Variants in SIRPB1 observed in about 807,000 individuals in gnomAD.
The protein encoded by SIRPB1 is signal-regulatory protein beta-1.
In SIRPB1, 28 loss-of-function variants were observed where a neutral mutation model predicts 34.1. The observed-to-expected ratio is 0.82, with a 90% CI of 0.61 to 1.12. The LOEUF (loss-of-function observed/expected upper bound fraction) is 1.12, where lower values mean the gene tolerates loss of function less well. Among genes scored for constraint, SIRPB1 ranks in the 50% most tolerant of loss-of-function variants. SIRPB1 has a pLI of 0.00. For synonymous variants in SIRPB1, 211 were observed against 203.8 expected (o/e 1.04, Z -0.30); for missense variants, 499 against 507.0 (o/e 0.98, Z 0.15).
chr20:1,588,762 G>A lies in SIRPB1; in HGVS notation c.77-10068C>T. The stretch of plus-strand genomic sequence containing the variant: ...GAAGTGGCTATGATGGATTGCGACA[G>A]CAACTTGCTTCTAGATTGTAACTTA... On this transcript the variant is annotated intron_variant, in intron 1 of 5. Coordinates refer to ENST00000381605, the MANE Select transcript of SIRPB1 (RefSeq NM_006065.5). 21 of 354,038 alleles carry A rather than the reference G, an allele frequency of 5.9e-5. 7 individuals are homozygous for A. Among genetic ancestry groups the A allele is most frequent in the Non-Finnish European group, 7.9e-5 (21 of 264,664 alleles). The allele number at this position is 354,038 out of a possible 1,614,324, so 21.9% of individuals were successfully genotyped here.
chr20:1,594,541 C>T lies in SIRPB1; in HGVS notation c.77-15847G>A, dbSNP rs540189968. On this transcript the variant is annotated intron_variant, in intron 1 of 5. Coordinates refer to ENST00000381605, the MANE Select transcript of SIRPB1 (RefSeq NM_006065.5). ...TACCATATTTCGCCCCCACTCACGACATTAGATGCAGATGACGAGGGAAGA... is the reference window on the plus strand; with the variant it reads ...TACCATATTTCGCCCCCACTCACGATATTAGATGCAGATGACGAGGGAAGA... Among the ~76,000 whole-genome samples the T allele has an allele frequency of 4.1e-5, 2 of 48,454 alleles. 1 individual carries two copies. Among genetic ancestry groups the T allele is most frequent in the Admixed American group, 2.8e-4 (2 of 7,258 alleles). The allele number at this position is 48,454 out of a possible 152,430, so 31.8% of individuals were successfully genotyped here. A position where few individuals can be genotyped will look rare whatever the true frequency, so the allele number is the denominator to read the frequency against.
At chr20:1,614,577 T>C (rs2091603277) in intron 1 of SIRPB1, among the ~76,000 whole-genome samples, 1 of 151,964 alleles carries the variant, frequency 6.6e-6, no homozygotes, top group Non-Finnish European at 1.5e-5. Flanking sequence ...ACCCATCTGC[T>C]TGATTGAGCC....
intron 1 of SIRPB1, chr20:1,591,728 A>G (rs1883935): frequency 0.94 from 48,134 of 51,334 alleles, 23,852 homozygotes; most frequent in East Asian, 1. Context: ...GTCCTGGGAG[A>G]CATCCTCTTA....
chr20:1,579,977 A>G (rs1162867711), intron 1 of SIRPB1, among the ~76,000 whole-genome samples: 1 of 148,542 alleles, frequency 6.7e-6, no homozygotes, highest in Non-Finnish European at 1.5e-5. Flanking sequence ...TTTTTGCTTA[A>G]GAAGCACATT....
Position 1,566,205 on chromosome 20 carries a change from G to T in SIRPB1, c.1147C>A (p.Leu383Met), listed in dbSNP as rs1487002110. The T allele has an allele frequency of 1.2e-6, 2 of 1,612,546 alleles. No homozygotes were observed. Among genetic ancestry groups the T allele is most frequent in the Non-Finnish European group, 1.7e-6 (2 of 1,179,402 alleles). ...TAGATGGCAGAGACACCAACCACCA[G>T]TAGCAGCTTGGGGCCCAGGAGGAGA... The part of the protein sequence containing the change: ...VALLLGPKLL[L>M]VVGVSAIYIC... The change falls in exon 5 of 6, where the codon CTG (leucine) becomes ATG (methionine). Residue 383 changes from leucine to methionine, a missense_variant. Coordinates refer to ENST00000381605, the MANE Select transcript of SIRPB1 (RefSeq NM_006065.5).
At chr20:1,577,788 C>T (rs551905856) in intron 2 of SIRPB1, among the ~76,000 whole-genome samples, 3 of 146,784 alleles carry the variant, frequency 2.0e-5, no homozygotes, top group Admixed American at 6.7e-5. Context: ...AAAACAACCA[C>T]GATTTACCCT....
intron 1 of SIRPB1, chr20:1,588,640 A>G: frequency 1.7e-6 from 1 of 585,110 alleles, no homozygotes; most frequent in Non-Finnish European, 2.3e-6. Context: ...CATCCTGGAG[A>G]CCTCAGGAGC....
In SIRPB1 at chr20:1,562,858, G is replaced by T. The variant is rs1232971302; in HGVS notation, c.*2642C>A. Among the ~76,000 whole-genome samples the T allele has an allele frequency of 6.6e-6, 1 of 152,184 alleles. No homozygotes were observed. The highest frequency in any genetic ancestry group is 1.5e-5 in the Non-Finnish European group (1 of 68,042). On this transcript the variant is annotated 3_prime_UTR_variant, in exon 6 of 6. Coordinates refer to ENST00000381605, the MANE Select transcript of SIRPB1 (RefSeq NM_006065.5). ...GAAAGAGGAATTTTGCAACCAAGAT[G>T]AAAGTGCAGTGAAGAAATGAGAAGT...
chr20:1,572,887 G>C (rs921730206), intron 2 of SIRPB1, among the ~76,000 whole-genome samples: 1 of 151,240 alleles, frequency 6.6e-6, no homozygotes, highest in Non-Finnish European at 1.5e-5. Context: ...GCCAGGGTCC[G>C]TGGGATTTTG....
Position 1,594,299 on chromosome 20 carries a change from CA to C in SIRPB1, c.77-15606del, listed in dbSNP as rs1460923713. 4.1e-5 allele frequency among the ~76,000 whole-genome samples: 2 copies of C among 48,892 alleles called. 1 individual carries two copies. The highest frequency in any genetic ancestry group is 7.9e-5 in the Non-Finnish European group (2 of 25,384). 32.1% of individuals were successfully genotyped at this position (48,892 alleles called of 152,430 possible). On this transcript the variant is annotated intron_variant, in intron 1 of 5. Transcript: ENST00000381605. Reference sequence around the variant, plus strand: ...TGCTTGGAGCAGCAAGTTGCCTTCCCAAGGAAGGAACTGTCAAGGAGTTCTC... The same window carrying C: ...TGCTTGGAGCAGCAAGTTGCCTTCCCAGGAAGGAACTGTCAAGGAGTTCTC...
At chr20:1,615,842 A>G (rs2091621329) in intron 1 of SIRPB1, among the ~76,000 whole-genome samples, 1 of 152,222 alleles carries the variant, frequency 6.6e-6, no homozygotes, top group Admixed American at 6.5e-5. Flanking sequence ...TTATATACAC[A>G]TACCTTATTT....
rs1181388484 is a variant in SIRPB1 at position 1,570,852 on chromosome 20, A to G, written c.1037T>C (p.Leu346Pro). 8 of 1,614,092 alleles carry G rather than the reference A, an allele frequency of 5.0e-6. No homozygotes were observed. In the African/African-American group the frequency reaches 8.0e-5, roughly 16 times the overall value. ...CTCCTTCTGGTGCGCTGAGATCTCC[A>G]GGGCATAGCTTTTGCTGACTGCTTG... is the stretch of plus-strand genomic sequence containing the variant. ...GQQAVSKSYA[L>P]EISAHQKEHG... The change falls in exon 4 of 6, where the codon CTG (leucine) becomes CCG (proline). Residue 346 changes from leucine to proline, a missense_variant. Physicochemically the swap from Leu to Pro is moderately conservative, Grantham distance 98. Coordinates refer to ENST00000381605, the MANE Select transcript of SIRPB1 (RefSeq NM_006065.5).
Position 1,563,785 on chromosome 20 carries a change from A to G in SIRPB1, c.*1715T>C, listed in dbSNP as rs1303758547. ...ACTTGCCACACACTTTCAAAAAACC[A>G]GATCTCATGAGAACTCACTGAGATC... On this transcript the variant is annotated 3_prime_UTR_variant, in exon 6 of 6. Transcript: ENST00000381605. 1.3e-5 allele frequency: 2 copies of G among 152,166 alleles called. No homozygotes were observed. Among genetic ancestry groups the G allele is most frequent in the East Asian group, 1.9e-4 (1 of 5,184 alleles). The allele number at this position is 152,166 out of a possible 1,614,324, so 9.4% of individuals were successfully genotyped here.
Position 1,603,551 on chromosome 20 carries a change from C to T in SIRPB1, c.76+16318G>A, listed in dbSNP as rs1301449812. ...TGTAACAACTGTCAGGGGTAAAAAG[C>T]AAGATGCAGAACGTGAGGAACACAT... On this transcript the variant is annotated intron_variant, in intron 1 of 5. Transcript: ENST00000381605. Among the ~76,000 whole-genome samples, 2 of 48,866 alleles carry T rather than the reference C, an allele frequency of 4.1e-5. 1 individual carries two copies. The highest frequency in any genetic ancestry group is 7.9e-5 in the Non-Finnish European group (2 of 25,390). The allele number at this position is 48,866 out of a possible 152,430, so 32.1% of individuals were successfully genotyped here. A position where few individuals can be genotyped will look rare whatever the true frequency, so the allele number is the denominator to read the frequency against.
At chr20:1,615,874 A>G (rs1447478511) in intron 1 of SIRPB1, among the ~76,000 whole-genome samples, 1 of 152,208 alleles carries the variant, frequency 6.6e-6, no homozygotes, top group Non-Finnish European at 1.5e-5. Flanking sequence ...ATCAGTGGCT[A>G]ATTTATGATT....
intron 3 of SIRPB1, 139 bp downstream of exon 3, chr20:1,571,581 C>T (rs1440617750): frequency 1.6e-6 from 2 of 1,246,802 alleles, no homozygotes; most frequent in South Asian, 1.5e-5. Context: ...TAGTAAGTGA[C>T]CGGCTCACCT....
chr20:1,567,720 A>C lies in SIRPB1; in HGVS notation c.1085-1453T>G, dbSNP rs553362001. Reference sequence around the variant, plus strand: ...CTGGGATAGTGTTACCACAGGAAGGAAATTCCTTGCCATTAGCCTTTTGAA... The same window carrying C: ...CTGGGATAGTGTTACCACAGGAAGGCAATTCCTTGCCATTAGCCTTTTGAA... On this transcript the variant is annotated intron_variant, in intron 4 of 5. Coordinates refer to ENST00000381605, the MANE Select transcript of SIRPB1 (RefSeq NM_006065.5). Among the ~76,000 whole-genome samples, 5 of 152,368 alleles carry C rather than the reference A, an allele frequency of 3.3e-5. No homozygotes were observed. In the East Asian group the frequency reaches 9.6e-4, roughly 29 times the overall value.
At chr20:1,573,093 A>G (rs1376376642) in intron 2 of SIRPB1, among the ~76,000 whole-genome samples, 1 of 144,830 alleles carries the variant, frequency 6.9e-6, no homozygotes, top group Non-Finnish European at 1.5e-5. Flanking sequence ...GCACCTCTTT[A>G]TCTTTCAGAT....
chr20:1,570,774 G>T lies in SIRPB1; in HGVS notation c.1084+31C>A, dbSNP rs768152195. ...TATTGCTTTTAACATTAAAGAAAAAGACAAAATTTAAAAATGGGAAGTAAC... is the reference window on the plus strand; with the variant it reads ...TATTGCTTTTAACATTAAAGAAAAATACAAAATTTAAAAATGGGAAGTAAC... On this transcript the variant is annotated intron_variant, in intron 4 of 5. Transcript: ENST00000381605. The T allele has an allele frequency of 7.9e-6, 12 of 1,522,334 alleles. No homozygotes were observed. In the Admixed American group the frequency reaches 8.0e-5, roughly 10 times the overall value. The allele number at this position is 1,522,334 out of a possible 1,614,324, so 94.3% of individuals were successfully genotyped here. A position where few individuals can be genotyped will look rare whatever the true frequency, so the allele number is the denominator to read the frequency against.
Sources: allele counts gnomAD v4.1 joint callset (sites outside exome capture counted in the v4.1 genomes callset), GRCh38; gene constraint gnomAD v4.1.1; transcripts MANE v1.5; gene names NCBI Gene and HGNC (gene_info 2026-07-23, HGNC 2026-07-21).